Variants in PCLO observed in about 807,000 individuals in gnomAD.
The protein encoded by PCLO is piccolo presynaptic cytomatrix protein, also known as protein piccolo.
In PCLO, 82 loss-of-function variants were observed where a neutral mutation model predicts 427.5. The observed-to-expected ratio is 0.19, with a 90% CI of 0.16 to 0.23. The LOEUF is 0.23. PCLO is among the 10% of genes least tolerant of loss of function. The pLI is 1.00. For synonymous variants in PCLO, 2,357 were observed against 2,155.4 expected (o/e 1.09, Z -2.59); for missense variants, 6,239 against 6,115.9 (o/e 1.02, Z -0.67).
intron 16 of PCLO, among the ~76,000 whole-genome samples, chr7:82,835,215 A>G (rs1792202445): frequency 6.6e-6 from 1 of 152,118 alleles, no homozygotes; most frequent in Non-Finnish European, 1.5e-5. Context: ...AAGTCCTGGG[A>G]TTACAGGCGT....
chr7:82,783,341 G>T (rs1350001566), intron 22 of PCLO, among the ~76,000 whole-genome samples: 1 of 151,978 alleles, frequency 6.6e-6, no homozygotes, highest in Non-Finnish European at 1.5e-5. Flanking sequence ...AGGGCCGGGT[G>T]TGGTGGCTTA....
rs370840696 is a variant in PCLO at position 82,947,769 on chromosome 7, C to T, written c.11112+1707G>A. 2.2e-4 allele frequency among the ~76,000 whole-genome samples: 34 copies of T among 152,174 alleles called. No individual in the cohort carries two copies. The East Asian group carries it at 5.0e-3, about 23-fold the overall frequency. On this transcript the variant is annotated intron_variant, in intron 6 of 24. Coordinates refer to ENST00000333891, the MANE Select transcript of PCLO (RefSeq NM_033026.6). ...TCTACTCAACTTCCTTTATGATTAG[C>T]TTATCAATATTTCTGACACAATCAG... is the stretch of plus-strand genomic sequence containing the variant.
At position 82,951,931 on chromosome 7, in the gene PCLO, T is replaced by C. The variant is rs1021576543; in HGVS notation, c.9022A>G (p.Lys3008Glu). 6.2e-7 allele frequency: 1 copy of C among 1,613,798 alleles called. No homozygotes were observed. The highest frequency in any genetic ancestry group is 1.3e-5 in the African/African-American group (1 of 74,902). Reference protein sequence around the residue: ...NLAEAGHFFYKSKNAFDYSEG... With the variant: ...NLAEAGHFFYESKNAFDYSEG... ...GAATAATCAAAAGCATTCTTACTTTTATAGAAAAAATGTCCAGCTTCTGCT... is the reference window on the plus strand; with the variant it reads ...GAATAATCAAAAGCATTCTTACTTTCATAGAAAAAATGTCCAGCTTCTGCT... Residue 3008 changes from lysine to glutamate, a missense_variant, in exon 5 of 25, where the codon AAA becomes GAA. Coordinates refer to ENST00000333891, the MANE Select transcript of PCLO (RefSeq NM_033026.6).
chr7:82,803,164 A>C (rs1382598735), intron 21 of PCLO, among the ~76,000 whole-genome samples: 1 of 152,200 alleles, frequency 6.6e-6, no homozygotes, highest in East Asian at 1.9e-4. Flanking sequence ...ACTCTGCTCT[A>C]TCTGTTAGCA....
intron 7 of PCLO, 30 bp from the exon 8 acceptor site, chr7:82,909,043 G>T: frequency 6.2e-7 from 1 of 1,608,676 alleles, no homozygotes; most frequent in Non-Finnish European, 8.5e-7. Context: ...ATCATACATT[G>T]CAACGGCAAG....
chr7:83,116,058 G>A (rs1791124035), intron 3 of PCLO, among the ~76,000 whole-genome samples: 1 of 151,758 alleles, frequency 6.6e-6, no homozygotes, highest in African/African-American at 2.4e-5. Flanking sequence ...TCAATTAAAT[G>A]GATGTCTAGT....
chr7:82,993,232 AC>A (rs1388732214), intron 3 of PCLO, among the ~76,000 whole-genome samples: 1 of 152,020 alleles, frequency 6.6e-6, no homozygotes, highest in African/African-American at 2.4e-5. Context: ...TTACTCAAAA[AC>A]AAAATTTATA....
At position 82,954,914 on chromosome 7, in the gene PCLO, C is replaced by T; in HGVS notation, c.6039G>A (p.Glu2013=). Residue 2013 remains glutamate, a synonymous_variant, in exon 5 of 25, where the codon GAG becomes GAA. Coordinates refer to ENST00000333891, the MANE Select transcript of PCLO (RefSeq NM_033026.6). ...AATGTAAGCTTTCTAACTCATAAAA[C>T]TCTTTCTGGAGGTCTGTAATTTTCT... ...PMQKITDLQK[E]FYELESLHSV... 6.2e-7 allele frequency: 1 copy of T among 1,613,592 alleles called. No individual in the cohort carries two copies. Among genetic ancestry groups the T allele is most frequent in the African/African-American group, 1.3e-5 (1 of 74,980 alleles).
intron 3 of PCLO, among the ~76,000 whole-genome samples, chr7:83,075,026 G>A (rs1353598521): frequency 2.0e-5 from 3 of 152,090 alleles, no homozygotes; most frequent in African/African-American, 7.2e-5. Flanking sequence ...ATAAACAGTT[G>A]AATAAAGTAC....
chr7:83,135,669 T>C lies in PCLO; in HGVS notation c.1894-13A>G. 2.6e-6 allele frequency: 4 copies of C among 1,522,568 alleles called. No individual in the cohort carries two copies. Among genetic ancestry groups the C allele is most frequent in the Non-Finnish European group, 3.6e-6 (4 of 1,125,016 alleles). 94.3% of individuals were successfully genotyped at this position (1,522,568 alleles called of 1,614,324 possible). On this transcript the variant is annotated splice_polypyrimidine_tract_variant and intron_variant, in intron 2 of 24. Transcript: ENST00000333891. ...GCCACTCTTTTACCTACAAATAATA[T>C]AAAACAATGGTCACCGAGACAATAC...
At chr7:83,104,570 G>C (rs184654169) in intron 3 of PCLO, among the ~76,000 whole-genome samples, 1 of 151,982 alleles carries the variant, frequency 6.6e-6, no homozygotes, top group Admixed American at 6.6e-5. Context: ...CCTGGCTATA[G>C]TAGCTACCTA....
intron 21 of PCLO, among the ~76,000 whole-genome samples, chr7:82,802,913 C>T (rs2129468727): frequency 6.6e-6 from 1 of 152,198 alleles, no homozygotes; most frequent in East Asian, 1.9e-4. Flanking sequence ...AAAGCCATTA[C>T]ATTGTTCCAT....
intron 24 of PCLO, among the ~76,000 whole-genome samples, chr7:82,759,398 T>G (rs13438494): frequency 0.61 from 92,494 of 151,560 alleles, 29,375 homozygotes; most frequent in East Asian, 0.85. Context: ...TTATGCTTCT[T>G]ACTTCAAAAT....
chr7:82,911,663 G>C (rs1055747571), intron 7 of PCLO, among the ~76,000 whole-genome samples: 1 of 151,822 alleles, frequency 6.6e-6, no homozygotes, highest in Non-Finnish European at 1.5e-5. Flanking sequence ...TCACTCTGTC[G>C]CCAGGCAGGA....
chr7:82,806,332 TTC>T (rs1025359007), intron 20 of PCLO, among the ~76,000 whole-genome samples: 6 of 152,094 alleles, frequency 3.9e-5, no homozygotes, highest in Admixed American at 1.3e-4. Flanking sequence ...TGATTGAAAA[TTC>T]TGTTTGTTTG....
chr7:82,770,903 A>G (rs1790633033), intron 22 of PCLO, among the ~76,000 whole-genome samples: 1 of 151,954 alleles, frequency 6.6e-6, no homozygotes, highest in Non-Finnish European at 1.5e-5. Context: ...AGGCTATATT[A>G]AAGCCGCTGA....
In PCLO at chr7:83,162,391, T is replaced by G. The variant is rs542406997; in HGVS notation, c.202A>C (p.Lys68Gln). ...AVMSRAQGLP[K>Q]GSVPPAAAES... ...GCAGCGGCCGGGGGGACGCTTCCCTTGGGCAGCCCCTGCGCCCTTGACATG... is the reference window on the plus strand; with the variant it reads ...GCAGCGGCCGGGGGGACGCTTCCCTGGGGCAGCCCCTGCGCCCTTGACATG... Residue 68 changes from lysine to glutamine, a missense_variant, in exon 1 of 25, where the codon AAG (lysine) becomes CAG (glutamine). Coordinates refer to ENST00000333891, the MANE Select transcript of PCLO (RefSeq NM_033026.6). The G allele has an allele frequency of 1.9e-6, 3 of 1,599,804 alleles. No homozygotes were observed. The highest frequency in any genetic ancestry group is 2.7e-5 in the African/African-American group (2 of 74,816).
intron 2 of PCLO, among the ~76,000 whole-genome samples, chr7:83,140,647 T>C (rs1183187320): frequency 2.0e-5 from 3 of 152,242 alleles, no homozygotes; most frequent in Non-Finnish European, 4.4e-5. Flanking sequence ...TCCCACTGTT[T>C]AGCCAATCTG....
intron 9 of PCLO, among the ~76,000 whole-genome samples, chr7:82,883,531 TAA>T (rs562947616): frequency 6.7e-6 from 1 of 149,528 alleles, no homozygotes; most frequent in African/African-American, 2.5e-5. Context: ...GGTCAGTATT[TAA>T]AAAAAAATTC....
Sources: allele counts gnomAD v4.1 joint callset (sites outside exome capture counted in the v4.1 genomes callset), GRCh38; gene constraint gnomAD v4.1.1; transcripts MANE v1.5; gene names NCBI Gene and HGNC (gene_info 2026-07-23, HGNC 2026-07-21).